The following PABPC4L variants were observed in gnomAD, a reference collection of about 807,000 sequenced individuals.
PABPC4L encodes poly(A) binding protein cytoplasmic 4 like, also known as polyadenylate-binding protein 4-like.
For synonymous variants in PABPC4L, 169 were observed against 164.1 expected, an observed-to-expected ratio of 1.03 and a Z score of -0.23; for missense variants, 452 against 451.4, an observed-to-expected ratio of 1.00 and a Z score of -0.01.
the PABPC4L span, among the ~76,000 whole-genome samples, chr4:134,016,727 C>T: frequency 6.6e-6 from 1 of 152,142 alleles, no homozygotes; most frequent in African/African-American, 2.4e-5. Flanking sequence ...AGGTTACAAG[C>T]TGCTAGCCCG....
the PABPC4L span, among the ~76,000 whole-genome samples, chr4:134,046,222 G>T: frequency 6.6e-6 from 1 of 152,088 alleles, no homozygotes; most frequent in South Asian, 2.1e-4. Context: ...CAGGGTGATA[G>T]TTGGGAGAAG....
chr4:133,990,719 T>G, the PABPC4L span, among the ~76,000 whole-genome samples: 1 of 152,284 alleles, frequency 6.6e-6, no homozygotes, highest in African/African-American at 2.4e-5. Flanking sequence ...AATTTGTGGG[T>G]AATTAACATT....
chr4:134,168,047 C>T, the PABPC4L span, among the ~76,000 whole-genome samples: 1 of 151,912 alleles, frequency 6.6e-6, no homozygotes, highest in African/African-American at 2.4e-5. Flanking sequence ...GGCCACAAAA[C>T]AAGTCCTGTA....
the PABPC4L span, among the ~76,000 whole-genome samples, chr4:134,150,350 C>T: frequency 2.0e-5 from 3 of 152,036 alleles, no homozygotes; most frequent in Non-Finnish European, 2.9e-5. Context: ...TCCCAAAGTG[C>T]TGGGATTACA....
At chr4:133,955,153 A>T in the PABPC4L span, among the ~76,000 whole-genome samples, 7 of 152,164 alleles carry the variant, frequency 4.6e-5, no homozygotes. Flanking sequence ...CTTATGGAAC[A>T]TTGTGAAAAA....
chr4:134,127,857 G>A, the PABPC4L span, among the ~76,000 whole-genome samples: 1 of 151,980 alleles, frequency 6.6e-6, no homozygotes, highest in Non-Finnish European at 1.5e-5. Flanking sequence ...GCTAATCAAG[G>A]AGGCACCAGA....
chr4:134,167,261 C>A, the PABPC4L span, among the ~76,000 whole-genome samples: 3 of 152,048 alleles, frequency 2.0e-5, no homozygotes, highest in African/African-American at 7.3e-5. Flanking sequence ...AAATATGCCA[C>A]TCTAGTGGGG....
chr4:133,969,417 C>T, the PABPC4L span, among the ~76,000 whole-genome samples: 1 of 152,178 alleles, frequency 6.6e-6, no homozygotes, highest in Non-Finnish European at 1.5e-5. Flanking sequence ...TGTGTCGGCA[C>T]ATGGCTTGAC....
the PABPC4L span, among the ~76,000 whole-genome samples, chr4:133,998,169 T>A: frequency 6.6e-6 from 1 of 151,748 alleles, no homozygotes; most frequent in Admixed American, 6.6e-5. Context: ...CCTATGGTTA[T>A]AATTATATTC....
chr4:134,166,570 C>T, the PABPC4L span, among the ~76,000 whole-genome samples: 1 of 152,176 alleles, frequency 6.6e-6, no homozygotes, highest in Non-Finnish European at 1.5e-5. Context: ...CGCTTTCCTT[C>T]AGGCCCTCTG....
the PABPC4L span, among the ~76,000 whole-genome samples, chr4:133,998,527 C>T: frequency 2.4e-3 from 370 of 151,982 alleles, 3 homozygotes; most frequent in African/African-American, 8.6e-3. Flanking sequence ...TGAGATGTTC[C>T]TGTCTTTCAA....
At chr4:134,043,471 G>A in the PABPC4L span, among the ~76,000 whole-genome samples, 2 of 152,204 alleles carry the variant, frequency 1.3e-5, no homozygotes, top group East Asian at 3.9e-4. Context: ...ATACTATTAT[G>A]TTGGTGCAAA....
the PABPC4L span, among the ~76,000 whole-genome samples, chr4:134,090,047 C>A: frequency 6.6e-6 from 1 of 151,978 alleles, no homozygotes; most frequent in Non-Finnish European, 1.5e-5. Context: ...ACTTGATAAC[C>A]AGAAAGGATT....
At chr4:134,022,451 T>C in the PABPC4L span, among the ~76,000 whole-genome samples, 1 of 151,996 alleles carries the variant, frequency 6.6e-6, no homozygotes, top group African/African-American at 2.4e-5. Flanking sequence ...CACAGAAGCA[T>C]TGGACTGCTA....
At chr4:133,948,699 T>C in the PABPC4L span, among the ~76,000 whole-genome samples, 1 of 152,320 alleles carries the variant, frequency 6.6e-6, no homozygotes, top group South Asian at 2.1e-4. Flanking sequence ...TTCGAATTGG[T>C]ATTCCATCCT....
chr4:134,082,841 T>C, the PABPC4L span, among the ~76,000 whole-genome samples: 1 of 152,190 alleles, frequency 6.6e-6, no homozygotes, highest in Non-Finnish European at 1.5e-5. Context: ...TAAAATAGTC[T>C]ATCCAAAAAT....
the PABPC4L span, among the ~76,000 whole-genome samples, chr4:134,058,466 A>C: frequency 6.6e-6 from 1 of 151,994 alleles, no homozygotes; most frequent in Admixed American, 6.6e-5. Context: ...TAGGCTTTAA[A>C]GATGTTAGAA....
chr4:134,003,983 A>G, the PABPC4L span, among the ~76,000 whole-genome samples: 1 of 151,956 alleles, frequency 6.6e-6, no homozygotes, highest in African/African-American at 2.4e-5. Flanking sequence ...CATACACAAA[A>G]GTCAACTCAA....
chr4:134,115,150 T>G, the PABPC4L span, among the ~76,000 whole-genome samples: 1 of 151,900 alleles, frequency 6.6e-6, no homozygotes, highest in East Asian at 1.9e-4. Flanking sequence ...TTCAAAGAGA[T>G]AACACAGACT....
Sources: gnomAD v4.1 joint callset for allele counts (sites outside exome capture counted in the v4.1 genomes callset) on GRCh38, gnomAD v4.1.1 for gene constraint, MANE v1.5 for transcripts, NCBI Gene and HGNC (gene_info 2026-07-23, HGNC 2026-07-21) for gene names.